RUNDC1: variants seen among roughly 807,000 people sequenced by gnomAD.
The protein encoded by RUNDC1 is RUN domain-containing protein 1.
RUNDC1 carries 31 observed loss-of-function variants against 49.3 expected under a neutral mutation model. The observed-to-expected ratio is 0.63, with a 90% confidence interval of 0.47 to 0.85. RUNDC1 has a LOEUF of 0.85. RUNDC1 is among the 40% of genes least tolerant of loss of function. The pLI, the probability that RUNDC1 is intolerant of heterozygous loss-of-function variation, is 0.00. For missense variants in RUNDC1, 715 were observed against 806.7 expected (o/e 0.89, Z 1.38); for synonymous variants, 347 against 348.6 (o/e 1.00, Z 0.05).
In RUNDC1 at chr17:42,994,235, C is replaced by CGATCACCCCAGT. The variant is rs2050280757; in HGVS notation, c.*2520_*2531dup. ...GGTATAGCCATATGGCGTAGCCCAG[C>CGATCACCCCAGT]GATCACCCCAGTATTGCCTTTTTCA... On this transcript the variant is annotated 3_prime_UTR_variant, in exon 5 of 5. Transcript: ENST00000361677. 1.3e-5 allele frequency among the ~76,000 whole-genome samples: 2 copies of CGATCACCCCAGT among 152,318 alleles called. No individual in the cohort carries two copies. The highest frequency in any genetic ancestry group is 3.9e-4 in the East Asian group (2 of 5,180).
chr17:42,991,635 C>T lies in RUNDC1; in HGVS notation c.1761C>T (p.Leu587=). Residue 587 remains leucine (L), a synonymous_variant, in exon 5 of 5, where the codon CTC becomes CTT. Transcript: ENST00000361677. The part of the protein sequence containing the change: ...HTGFESALNL[L]SRLSSLKFSL... ...GCTTTGAGAGTGCCCTCAACCTGCT[C>T]AGTCGCCTCAGCAGCCTCAAGTTTA... 4 of 1,614,128 alleles carry T rather than the reference C, an allele frequency of 2.5e-6. No homozygotes were observed. Among genetic ancestry groups the T allele is most frequent in the South Asian group, 2.2e-5 (2 of 91,078 alleles).
chr17:42,990,089 AACTC>A (rs1267571245), intron 3 of RUNDC1, among the ~76,000 whole-genome samples: 1 of 152,184 alleles, frequency 6.6e-6, no homozygotes, highest in Non-Finnish European at 1.5e-5. Context: ...GCATGTTACT[AACTC>A]TTCAGTCTCT....
chr17:42,993,321 T>C lies in RUNDC1; in HGVS notation c.*1605T>C, dbSNP rs1473730802. 6.6e-6 allele frequency: 1 copy of C among 152,224 alleles called. No individual in the cohort carries two copies. The highest frequency in any genetic ancestry group is 2.4e-5 in the African/African-American group (1 of 41,442). The allele number at this position is 152,224 out of a possible 1,614,324, so 9.4% of individuals were successfully genotyped here. The stretch of plus-strand genomic sequence containing the variant: ...ATGCAGCTTGTGGTGAGTACTGTTC[T>C]AGGACTGGCCAAAAATGGGCAAAAT... On this transcript the variant is annotated 3_prime_UTR_variant, in exon 5 of 5. Transcript: ENST00000361677.
In RUNDC1 at chr17:42,987,521, G is replaced by C; in HGVS notation, c.657+107G>C. The C allele has an allele frequency of 3.8e-6, 4 of 1,040,822 alleles. No individual in the cohort carries two copies. The South Asian group carries it at 6.8e-5, about 18-fold the overall frequency. The allele number at this position is 1,040,822 out of a possible 1,614,324, so 64.5% of individuals were successfully genotyped here. A position where few individuals can be genotyped will look rare whatever the true frequency, so the allele number is the denominator to read the frequency against. On this transcript the variant is annotated intron_variant, in intron 2 of 4. Coordinates refer to ENST00000361677, the MANE Select transcript of RUNDC1 (RefSeq NM_173079.5). ...CTCAGTTCTCCTTTGGCCTTACTGA[G>C]AATCCCTCTGCTGGCCCAAATCAAA...
chr17:42,980,778 GC>G lies in RUNDC1; in HGVS notation c.206del (p.Pro69ArgfsTer70). The G allele has an allele frequency of 6.9e-7, 1 of 1,439,194 alleles. No individual in the cohort carries two copies. 89.2% of individuals were successfully genotyped at this position (1,439,194 alleles called of 1,614,324 possible). On this transcript the variant is annotated frameshift_variant, in exon 1 of 5. Coordinates refer to ENST00000361677, the MANE Select transcript of RUNDC1 (RefSeq NM_173079.5). LOFTEE classifies it high-confidence loss of function. Reference sequence around the variant, plus strand: ...GGCGACGGCCGAGGAGCCTGGCGCGGCCCCGGGCTCCCCGCCGGATTCGCCG... The same window carrying G: ...GGCGACGGCCGAGGAGCCTGGCGCGGCCCGGGCTCCCCGCCGGATTCGCCG... ...EEATAEEPGA[A>X]PGSPPDSPGR...
intron 1 of RUNDC1, among the ~76,000 whole-genome samples, chr17:42,982,462 C>T (rs2050113908): frequency 6.6e-6 from 1 of 152,256 alleles, no homozygotes; most frequent in African/African-American, 2.4e-5. Context: ...CCTGCAACTC[C>T]TTACACAAGG....
intron 1 of RUNDC1, chr17:42,985,656 G>A: frequency 1.5e-6 from 1 of 657,646 alleles, no homozygotes; most frequent in Non-Finnish European, 1.8e-6. Context: ...TTCAGGGCTT[G>A]GTAAGTACCG....
Position 42,994,361 on chromosome 17 carries a change from G to A in RUNDC1, c.*2645G>A, listed in dbSNP as rs1278778568. ...TAAATTCTCACTACTTACAAAGTGG[G>A]ACAGTATTATCCCCACTTTACAGCT... On this transcript the variant is annotated 3_prime_UTR_variant, in exon 5 of 5. Coordinates refer to ENST00000361677, the MANE Select transcript of RUNDC1 (RefSeq NM_173079.5). Among the ~76,000 whole-genome samples, 2 of 152,174 alleles carry A rather than the reference G, an allele frequency of 1.3e-5. No homozygotes were observed. The highest frequency in any genetic ancestry group is 2.9e-5 in the Non-Finnish European group (2 of 68,046).
At chr17:42,985,523 G>T in intron 1 of RUNDC1, 1 of 183,148 alleles carries the variant, frequency 5.5e-6, no homozygotes, top group Non-Finnish European at 1.0e-5. Context: ...CTGAGAAAAG[G>T]CTTGCTTTCA....
chr17:42,984,540 AAT>A, intron 1 of RUNDC1, among the ~76,000 whole-genome samples: 1 of 152,076 alleles, frequency 6.6e-6, no homozygotes, highest in East Asian at 1.9e-4. Flanking sequence ...CTCAACCCCA[AAT>A]ATTTTAAACC....
chr17:42,980,612 G>T lies in RUNDC1; in HGVS notation c.36G>T (p.Thr12=), dbSNP rs1403317659. 6.2e-7 allele frequency: 1 copy of T among 1,609,192 alleles called. No individual in the cohort carries two copies. Among genetic ancestry groups the T allele is most frequent in the African/African-American group, 1.3e-5 (1 of 74,830 alleles). ...AAVEAAAEPV[T]VVAAVGPKAK... is the part of the protein sequence containing the mutation. ...TCGAAGCGGCTGCAGAGCCGGTAACGGTGGTGGCGGCTGTTGGGCCAAAGG... is the reference window on the plus strand; with the variant it reads ...TCGAAGCGGCTGCAGAGCCGGTAACTGTGGTGGCGGCTGTTGGGCCAAAGG... Residue 12 remains threonine (T), a synonymous_variant, in exon 1 of 5, where the codon ACG becomes ACT. Transcript: ENST00000361677.
chr17:42,987,428 A>G lies in RUNDC1; in HGVS notation c.657+14A>G. On this transcript the variant is annotated intron_variant, in intron 2 of 4. Coordinates refer to ENST00000361677, the MANE Select transcript of RUNDC1 (RefSeq NM_173079.5). ...GAAAGACAGCGGGTGAGCAGACCCC[A>G]GAGGAACCTCCACCACTGCCCGAGG... 6.2e-7 allele frequency: 1 copy of G among 1,613,530 alleles called. No homozygotes were observed. The highest frequency in any genetic ancestry group is 8.5e-7 in the Non-Finnish European group (1 of 1,179,514).
chr17:42,984,889 C>CTTTTTTTTT (rs56228523), intron 1 of RUNDC1, among the ~76,000 whole-genome samples: 2 of 65,350 alleles, frequency 3.1e-5, no homozygotes, highest in East Asian at 4.7e-4. Context: ...TTCTTTCTTT[C>CTTTTTTTTT]TTTTTTTTTT....
chr17:42,980,593 C>G lies in RUNDC1; in HGVS notation c.17C>G (p.Ala6Gly). MAAVE[A>G]AAEPVTVVAA... ...TCCGGGAAGATGGCGGCTGTCGAAG[C>G]GGCTGCAGAGCCGGTAACGGTGGTG... Residue 6 changes from alanine (A) to glycine (G), a missense_variant, in exon 1 of 5, where the codon GCG (alanine) becomes GGG (glycine). By Grantham distance (60) the Ala-to-Gly change is moderately conservative (BLOSUM62 0). Coordinates refer to ENST00000361677, the MANE Select transcript of RUNDC1 (RefSeq NM_173079.5). 6 of 1,609,476 alleles carry G rather than the reference C, an allele frequency of 3.7e-6. No homozygotes were observed. The highest frequency in any genetic ancestry group is 1.1e-5 in the South Asian group (1 of 90,720).
In RUNDC1 at chr17:42,991,546, A is replaced by G; in HGVS notation, c.1672A>G (p.Ile558Val). The change falls in exon 5 of 5, where the codon ATC (isoleucine) becomes GTC (valine). Residue 558 changes from isoleucine (I) to valine (V), a missense_variant. By Grantham distance (29) the Ile-to-Val change is conservative (BLOSUM62 3). Coordinates refer to ENST00000361677, the MANE Select transcript of RUNDC1 (RefSeq NM_173079.5). Reference protein sequence around the residue: ...EQRLVSWVNLICKSGSLIEPH... With the variant: ...EQRLVSWVNLVCKSGSLIEPH... ...GCGTCTGGTGTCCTGGGTGAACCTCATCTGCAAGTCCGGGTCACTCATCGA... is the reference window on the plus strand; with the variant it reads ...GCGTCTGGTGTCCTGGGTGAACCTCGTCTGCAAGTCCGGGTCACTCATCGA... 1 of 1,614,082 alleles carries G rather than the reference A, an allele frequency of 6.2e-7. No homozygotes were observed. Among genetic ancestry groups the G allele is most frequent in the Non-Finnish European group, 8.5e-7 (1 of 1,179,960 alleles).
chr17:42,993,406 A>G lies in RUNDC1; in HGVS notation c.*1690A>G, dbSNP rs1020214360. 1 of 152,206 alleles carries G rather than the reference A, an allele frequency of 6.6e-6. No homozygotes were observed. Among genetic ancestry groups the G allele is most frequent in the Non-Finnish European group, 1.5e-5 (1 of 68,028 alleles). The allele number at this position is 152,206 out of a possible 1,614,324, so 9.4% of individuals were successfully genotyped here. ...TTCATGTCTTAAAATTGCCACCTGC[A>G]CTTTGTTTCTGCACTATTATGTAGT... On this transcript the variant is annotated 3_prime_UTR_variant, in exon 5 of 5. Coordinates refer to ENST00000361677, the MANE Select transcript of RUNDC1 (RefSeq NM_173079.5).
Position 42,980,773 on chromosome 17 carries a change from G to A in RUNDC1, c.197G>A (p.Gly66Asp). The A allele has an allele frequency of 6.8e-7, 1 of 1,475,956 alleles. No individual in the cohort carries two copies. Among genetic ancestry groups the A allele is most frequent in the Non-Finnish European group, 8.9e-7 (1 of 1,121,168 alleles). The allele number at this position is 1,475,956 out of a possible 1,614,324, so 91.4% of individuals were successfully genotyped here. A position where few individuals can be genotyped will look rare whatever the true frequency, so the allele number is the denominator to read the frequency against. The change falls in exon 1 of 5, where the codon GGC becomes GAC. Residue 66 changes from glycine to aspartate, a missense_variant. Physicochemically the swap from Gly to Asp is moderately conservative, Grantham distance 94. Transcript: ENST00000361677. Reference sequence around the variant, plus strand: ...GAAGAGGCGACGGCCGAGGAGCCTGGCGCGGCCCCGGGCTCCCCGCCGGAT... The same window carrying A: ...GAAGAGGCGACGGCCGAGGAGCCTGACGCGGCCCCGGGCTCCCCGCCGGAT... Reference protein sequence around the residue: ...FLEEATAEEPGAAPGSPPDSP... With the variant: ...FLEEATAEEPDAAPGSPPDSP...
In RUNDC1 at chr17:42,991,941, G is replaced by A. The variant is rs373428200; in HGVS notation, c.*225G>A. 20 of 533,102 alleles carry A rather than the reference G, an allele frequency of 3.8e-5. No individual in the cohort carries two copies. Among genetic ancestry groups the A allele is most frequent in the East Asian group, 1.0e-4 (3 of 29,166 alleles). The allele number at this position is 533,102 out of a possible 1,614,324, so 33.0% of individuals were successfully genotyped here. A position where few individuals can be genotyped will look rare whatever the true frequency, so the allele number is the denominator to read the frequency against. On this transcript the variant is annotated 3_prime_UTR_variant, in exon 5 of 5. Transcript: ENST00000361677. ...TTAAGAAGGTTCTGCCAGGCCGGGC[G>A]CGGTGGCTCACACCTGTAATCCCAG... is the stretch of plus-strand genomic sequence containing the variant.
rs1452550054 is a variant in RUNDC1 at position 42,980,944 on chromosome 17, T to A, written c.368T>A (p.Leu123Gln). ...GCGCCGGCGGAGCAGCAGCGCCTTC[T>A]GCGGGAGCTCGAAGACTTCGCCTTC... ...RGAPAEQQRLLRELEDFAFRG... is the reference protein window; with the variant it reads ...RGAPAEQQRLQRELEDFAFRG... The change falls in exon 1 of 5, where the codon CTG becomes CAG. Residue 123 changes from leucine (L) to glutamine (Q), a missense_variant. Physicochemically the swap from Leu to Gln is moderately radical, Grantham distance 113. Coordinates refer to ENST00000361677, the MANE Select transcript of RUNDC1 (RefSeq NM_173079.5). The A allele has an allele frequency of 6.5e-7, 1 of 1,540,258 alleles. No individual in the cohort carries two copies. Among genetic ancestry groups the A allele is most frequent in the Non-Finnish European group, 8.7e-7 (1 of 1,149,632 alleles).
Sources: gnomAD v4.1 joint callset for allele counts (sites outside exome capture counted in the v4.1 genomes callset) on GRCh38, gnomAD v4.1.1 for gene constraint, MANE v1.5 for transcripts, NCBI Gene and HGNC (gene_info 2026-07-23, HGNC 2026-07-21) for gene names.